The following UVRAG variants were observed in gnomAD, a reference collection of about 807,000 sequenced individuals.
The protein encoded by UVRAG is UV radiation resistance associated.
UVRAG carries 19 observed loss-of-function variants against 78.0 expected under a neutral mutation model. The ratio of observed to expected loss-of-function variants is 0.24; its 90% CI spans 0.17 to 0.36. The LOEUF (loss-of-function observed/expected upper bound fraction) is 0.36, where lower values mean the gene tolerates loss of function less well. Ranked by LOEUF, UVRAG falls within the 10% of genes least tolerant of loss-of-function variation. UVRAG has a pLI of 1.00. For missense variants in UVRAG, 740 were observed against 853.8 expected (o/e 0.87, Z 1.66); for synonymous variants, 323 against 324.6 (o/e 1.00, Z 0.05).
At chr11:76,034,848 A>G (rs546058873) in intron 12 of UVRAG, among the ~76,000 whole-genome samples, 12 of 152,320 alleles carry the variant, frequency 7.9e-5, no homozygotes, top group Admixed American at 2.0e-4. Context: ...GATGGCTCCC[A>G]GGTTCATGAT....
chr11:75,906,202 A>C (rs1947610858), intron 5 of UVRAG, among the ~76,000 whole-genome samples: 1 of 151,902 alleles, frequency 6.6e-6, no homozygotes, highest in African/African-American at 2.4e-5. Flanking sequence ...TTTTGATTTT[A>C]ATGAAGTATA....
intron 2 of UVRAG, among the ~76,000 whole-genome samples, chr11:75,853,931 T>C (rs7122125): frequency 0.077 from 11,624 of 151,230 alleles, 1,464 homozygotes; most frequent in African/African-American, 0.26. Flanking sequence ...TGCCACCACG[T>C]CCAGCTGATA....
rs150286390 is a variant in UVRAG at position 75,989,344 on chromosome 11, C to T, written c.826+5831C>T. Among the ~76,000 whole-genome samples the T allele has an allele frequency of 5.3e-3, 814 of 152,270 alleles. 7 individuals carry two copies. The highest frequency in any genetic ancestry group is 6.8e-3 in the Non-Finnish European group (464 of 68,014). ...GATTACAGGTGTGAGCTACCATGCC[C>T]GGCCACTTCTGGAACTTTCTTTGTG... On this transcript the variant is annotated intron_variant, in intron 8 of 14. Transcript: ENST00000356136.
In UVRAG at chr11:76,008,808, A is replaced by G; in HGVS notation, c.1001A>G (p.Asn334Ser). ...TTTATTCTTTAATTAAATTCACAGA[A>G]TGAACATAAGGATTACTTTGTATGC... The part of the protein sequence containing the change: ...ELSYIYPIDL[N>S]EHKDYFVCGV... Residue 334 changes from asparagine (N) to serine (S), a missense_variant and splice_region_variant, in exon 11 of 15, where the codon AAT (asparagine) becomes AGT (serine). By Grantham distance (46) the Asn-to-Ser change is conservative. Coordinates refer to ENST00000356136, the MANE Select transcript of UVRAG (RefSeq NM_003369.4). 2 of 1,450,902 alleles carry G rather than the reference A, an allele frequency of 1.4e-6. No homozygotes were observed. The highest frequency in any genetic ancestry group is 1.9e-6 in the Non-Finnish European group (2 of 1,075,460). 89.9% of individuals were successfully genotyped at this position (1,450,902 alleles called of 1,614,324 possible). A position where few individuals can be genotyped will look rare whatever the true frequency, so the allele number is the denominator to read the frequency against.
rs190202490 is a variant in UVRAG at position 75,991,378 on chromosome 11, A to G, written c.826+7865A>G. ...CATTAACTTTCAAAATGAAAACACT[A>G]TAAGGTTGTAAAGGGTTTAGGGACT... On this transcript the variant is annotated intron_variant, in intron 8 of 14. Transcript: ENST00000356136. 4.6e-5 allele frequency among the ~76,000 whole-genome samples: 7 copies of G among 152,294 alleles called. No homozygotes were observed. The East Asian group carries it at 5.8e-4, about 13-fold the overall frequency.
At chr11:75,945,179 C>T (rs1056277709) in intron 6 of UVRAG, among the ~76,000 whole-genome samples, 7 of 152,034 alleles carry the variant, frequency 4.6e-5, no homozygotes, top group Non-Finnish European at 1.0e-4. Flanking sequence ...TTAAAATAAT[C>T]ATTTTTAATT....
chr11:76,135,147 G>A (rs1253740327), intron 14 of UVRAG, among the ~76,000 whole-genome samples: 1 of 152,120 alleles, frequency 6.6e-6, no homozygotes, highest in Non-Finnish European at 1.5e-5. Flanking sequence ...CACAAAACGG[G>A]TACCTGGTGC....
In UVRAG at chr11:75,867,136, G is replaced by A. The variant is rs563715177; in HGVS notation, c.270+5356G>A. Among the ~76,000 whole-genome samples, 3 of 152,224 alleles carry A rather than the reference G, an allele frequency of 2.0e-5. No homozygotes were observed. In the East Asian group the frequency reaches 5.8e-4, roughly 29 times the overall value. Reference sequence around the variant, plus strand: ...ATTCATGCCTCATTGCTCTGTTTCTGTGCTTTCTGCCTACACAAAATCTTA... The same window carrying A: ...ATTCATGCCTCATTGCTCTGTTTCTATGCTTTCTGCCTACACAAAATCTTA... On this transcript the variant is annotated intron_variant, in intron 3 of 14. Transcript: ENST00000356136.
At position 75,817,992 on chromosome 11, in the gene UVRAG, G is replaced by A. The variant is rs376187008; in HGVS notation, c.117+2468G>A. Among the ~76,000 whole-genome samples the A allele has an allele frequency of 2.0e-4, 30 of 151,784 alleles. No individual in the cohort carries two copies. The East Asian group carries it at 3.7e-3, about 19-fold the overall frequency. On this transcript the variant is annotated intron_variant, in intron 1 of 14. Transcript: ENST00000356136. ...AGAGAATTGCTTGAACCTGGGAGGC[G>A]CAGGTTGCAGTAAGCCGAGATTGCG...
intron 8 of UVRAG, among the ~76,000 whole-genome samples, chr11:75,991,498 A>G (rs140100675): frequency 7.9e-5 from 12 of 152,274 alleles, no homozygotes; most frequent in African/African-American, 2.9e-4. Context: ...AATCACTACA[A>G]TAACTTTATG....
At chr11:76,012,941 A>G (rs1362072054) in intron 11 of UVRAG, 1 of 151,732 alleles carries the variant, frequency 6.6e-6, no homozygotes, top group African/African-American at 2.4e-5. Context: ...GATTTCTTGG[A>G]AAGGAGAGTC....
At chr11:75,816,003 T>G (rs1015658648) in intron 1 of UVRAG, among the ~76,000 whole-genome samples, 1 of 152,242 alleles carries the variant, frequency 6.6e-6, no homozygotes, top group Non-Finnish European at 1.5e-5. Flanking sequence ...GGAGGAGACT[T>G]TAGGGTGTCT....
intron 11 of UVRAG, among the ~76,000 whole-genome samples, chr11:76,011,362 G>A (rs989072010): frequency 1.4e-4 from 21 of 152,124 alleles, no homozygotes; most frequent in African/African-American, 3.6e-4. Context: ...GGTGGCTCAC[G>A]CCTGTAATTC....
At position 76,040,143 on chromosome 11, in the gene UVRAG, G is replaced by T. The variant is rs560490416; in HGVS notation, c.1226+23163G>T. ...CCCTGGGCATTATCAAGTGTTCTCT[G>T]CCTATAGCCAAGTAGAAGAACTTTG... On this transcript the variant is annotated intron_variant, in intron 12 of 14. Coordinates refer to ENST00000356136, the MANE Select transcript of UVRAG (RefSeq NM_003369.4). 7.9e-5 allele frequency among the ~76,000 whole-genome samples: 12 copies of T among 152,000 alleles called. No homozygotes were observed. In the South Asian group the frequency reaches 2.5e-3, roughly 32 times the overall value.
chr11:75,890,722 G>A (rs1323215546), intron 5 of UVRAG, among the ~76,000 whole-genome samples: 1 of 152,194 alleles, frequency 6.6e-6, no homozygotes, highest in Non-Finnish European at 1.5e-5. Flanking sequence ...ACAGTCATTG[G>A]AGTCATAAGT....
chr11:76,013,717 C>T (rs544066781), intron 11 of UVRAG, among the ~76,000 whole-genome samples: 15 of 152,294 alleles, frequency 9.8e-5, no homozygotes, highest in Middle Eastern at 3.4e-3. Context: ...CACATGAGCT[C>T]ACATTTTCCC....
intron 14 of UVRAG, among the ~76,000 whole-genome samples, chr11:76,136,219 G>C (rs370294866): frequency 5.3e-5 from 8 of 151,728 alleles, no homozygotes; most frequent in Admixed American, 1.3e-4. Flanking sequence ...ATGAATGAAG[G>C]GTCTTTCTGA....
chr11:76,055,900 G>A (rs1950974905), intron 12 of UVRAG, among the ~76,000 whole-genome samples: 1 of 152,086 alleles, frequency 6.6e-6, no homozygotes, highest in Admixed American at 6.6e-5. Flanking sequence ...TAGTAGAGAT[G>A]GGGTTTCACT....
At chr11:75,954,817 G>C (rs896978472) in intron 6 of UVRAG, among the ~76,000 whole-genome samples, 1 of 152,196 alleles carries the variant, frequency 6.6e-6, no homozygotes, top group Non-Finnish European at 1.5e-5. Context: ...TATTTTTGTG[G>C]TGCCATACAC....
Sources: allele counts gnomAD v4.1 joint callset (sites outside exome capture counted in the v4.1 genomes callset), GRCh38; gene constraint gnomAD v4.1.1; transcripts MANE v1.5; gene names NCBI Gene and HGNC (gene_info 2026-07-23, HGNC 2026-07-21).